DPYS: variants seen among roughly 807,000 people sequenced by gnomAD.
DPYS encodes dihydropyrimidinase, also known as dihydropyrimidine amidohydrolase.
DPYS carries 39 observed loss-of-function variants against 50.3 expected under a neutral mutation model. That is an observed-to-expected ratio of 0.78 (90% CI 0.60 to 1.01). The LOEUF (loss-of-function observed/expected upper bound fraction) is 1.01. DPYS is among the 50% of genes least tolerant of loss of function. DPYS has a pLI of 0.00. For missense variants in DPYS, 659 were observed against 680.9 expected, an observed-to-expected ratio of 0.97 and a Z score of 0.36; for synonymous variants, 245 against 250.7, an observed-to-expected ratio of 0.98 and a Z score of 0.22.
chr8:104,434,623 C>T (rs973230062), intron 4 of DPYS, among the ~76,000 whole-genome samples: 5 of 152,104 alleles, frequency 3.3e-5, no homozygotes, highest in Admixed American at 3.3e-4. Flanking sequence ...AAATAAACAA[C>T]AATCAAATAT....
intron 1 of DPYS, among the ~76,000 whole-genome samples, chr8:104,459,165 G>A (rs984675594): frequency 1.3e-5 from 2 of 152,126 alleles, no homozygotes; most frequent in Non-Finnish European, 2.9e-5. Context: ...TGTAGATGGT[G>A]GCCAGTTGCC....
chr8:104,436,614 A>C (rs1013289867), intron 4 of DPYS, among the ~76,000 whole-genome samples: 1 of 152,106 alleles, frequency 6.6e-6, no homozygotes, highest in South Asian at 2.1e-4. Context: ...AAAACAAAAC[A>C]AAACCCTGAA....
chr8:104,410,501 T>C (rs1343354720), intron 7 of DPYS, among the ~76,000 whole-genome samples: 1 of 152,136 alleles, frequency 6.6e-6, no homozygotes, highest in Non-Finnish European at 1.5e-5. Context: ...TCCAAGGACA[T>C]GGGAGTTTCA....
intron 1 of DPYS, among the ~76,000 whole-genome samples, chr8:104,460,780 C>G (rs975238910): frequency 6.6e-6 from 1 of 152,268 alleles, no homozygotes; most frequent in South Asian, 2.1e-4. Flanking sequence ...TTTGTGCTTC[C>G]TCTGATGAGT....
rs149814659 is a variant in DPYS, at chr8:104,438,038, G to A, written c.793+6210C>T. ...TGCCCATTCAAATCACCCAGTAAGC[G>A]TGAAGACAAGGAATCAGAAAATTTA... is the stretch of plus-strand genomic sequence containing the variant. On this transcript the variant is annotated intron_variant, in intron 4 of 9. Transcript: ENST00000351513. Among the ~76,000 whole-genome samples the A allele has an allele frequency of 4.0e-3, 608 of 152,198 alleles. 4 individuals carry two copies. Among genetic ancestry groups the A allele is most frequent in the Admixed American group, 9.0e-3 (138 of 15,280 alleles).
intron 1 of DPYS, among the ~76,000 whole-genome samples, chr8:104,455,090 T>C (rs1041246950): frequency 2.0e-5 from 3 of 152,110 alleles, no homozygotes; most frequent in Non-Finnish European, 2.9e-5. Context: ...TGTATACCTA[T>C]GTAACAAACC....
Position 104,428,070 on chromosome 8 carries a change from C to T in DPYS, c.1002G>A (p.Gln334=), listed in dbSNP as rs148318692. 1.7e-4 allele frequency: 269 copies of T among 1,614,216 alleles called. 1 individual carries two copies. The African/African-American group carries it at 3.0e-3, about 18-fold the overall frequency. The change falls in exon 6 of 10, where the codon CAG becomes CAA. Residue 334 remains glutamine, a synonymous_variant. Coordinates refer to ENST00000351513, the MANE Select transcript of DPYS (RefSeq NM_001385.3). ...GTDNCTFNTC[Q]KALGKDDFTK... is the part of the protein sequence containing the mutation. ...TAAAATCATCCTTCCCAAGAGCTTT[C>T]TGGCAGGTGTTGAAAGTGCAGTTAT...
intron 7 of DPYS, among the ~76,000 whole-genome samples, chr8:104,399,290 C>CAAAAAAAAAAAAAAAA (rs11323938): frequency 4.0e-4 from 30 of 74,890 alleles, no homozygotes; most frequent in African/African-American, 5.0e-4. Context: ...GACTCCATCT[C>CAAAAAAAAAAAAAAAA]AAAAAAAAAA....
chr8:104,457,730 C>T (rs1588462346), intron 1 of DPYS, among the ~76,000 whole-genome samples: 2 of 152,330 alleles, frequency 1.3e-5, no homozygotes, highest in South Asian at 4.1e-4. Flanking sequence ...ATGGTCCCAA[C>T]GTCTGTCCCA....
chr8:104,396,599 C>T (rs1188527628), intron 7 of DPYS, among the ~76,000 whole-genome samples: 1 of 152,020 alleles, frequency 6.6e-6, no homozygotes, highest in Non-Finnish European at 1.5e-5. Flanking sequence ...AATGGAAAAA[C>T]TGGTGATAGA....
At chr8:104,441,138 T>C (rs1813340425) in intron 4 of DPYS, among the ~76,000 whole-genome samples, 2 of 152,166 alleles carry the variant, frequency 1.3e-5, no homozygotes, top group South Asian at 4.1e-4. Context: ...CTGAAGCAAT[T>C]TTGCCTCTTT....
intron 7 of DPYS, among the ~76,000 whole-genome samples, chr8:104,414,614 C>G (rs1052552518): frequency 6.6e-6 from 1 of 152,146 alleles, no homozygotes; most frequent in African/African-American, 2.4e-5. Flanking sequence ...CTGTAGTCTT[C>G]TAGAGGGAGG....
At chr8:104,402,336 C>T (rs1353338810) in intron 7 of DPYS, among the ~76,000 whole-genome samples, 1 of 152,120 alleles carries the variant, frequency 6.6e-6, no homozygotes, top group East Asian at 1.9e-4. Context: ...AAGTGGGAAA[C>T]TAAAAATAAT....
chr8:104,423,456 C>T lies in DPYS; in HGVS notation c.1235+791G>A, dbSNP rs569429425. ...AGCTGGGCCTTTGTGACAATATTAG[C>T]CCAAGAAACCGTAGACTTTTTCTTA... On this transcript the variant is annotated intron_variant, in intron 7 of 9. Coordinates refer to ENST00000351513, the MANE Select transcript of DPYS (RefSeq NM_001385.3). Among the ~76,000 whole-genome samples the T allele has an allele frequency of 2.0e-5, 3 of 152,284 alleles. No individual in the cohort carries two copies. The South Asian group carries it at 6.2e-4, about 32-fold the overall frequency.
intron 8 of DPYS, among the ~76,000 whole-genome samples, chr8:104,382,538 GTTT>G (rs11388669): frequency 1.6e-5 from 2 of 128,282 alleles, no homozygotes; most frequent in Non-Finnish European, 1.6e-5. Flanking sequence ...CTTGGTCCCT[GTTT>G]TTTTTTTTTT....
At chr8:104,425,053 C>T (rs1235228983) in intron 6 of DPYS, among the ~76,000 whole-genome samples, 2 of 152,210 alleles carry the variant, frequency 1.3e-5, no homozygotes, top group East Asian at 3.9e-4. Context: ...TGGTCTCCAA[C>T]TCCTGACCTC....
chr8:104,412,519 C>A (rs1812218478), intron 7 of DPYS, among the ~76,000 whole-genome samples: 1 of 152,118 alleles, frequency 6.6e-6, no homozygotes, highest in African/African-American at 2.4e-5. Context: ...ACTCAAGTCA[C>A]CAAATAGGTG....
intron 4 of DPYS, among the ~76,000 whole-genome samples, chr8:104,430,659 T>C (rs988134337): frequency 6.6e-4 from 100 of 152,338 alleles, no homozygotes; most frequent in African/African-American, 2.3e-3. Flanking sequence ...CTGAGTCATA[T>C]CAAATTGGAA....
intron 7 of DPYS, chr8:104,421,639 A>T (rs943296815): frequency 6.6e-6 from 1 of 152,294 alleles, no homozygotes; most frequent in Non-Finnish European, 1.5e-5. Flanking sequence ...GTCTCAAACA[A>T]ACAAACAAAC....
Sources: gnomAD v4.1 joint callset for allele counts (sites outside exome capture counted in the v4.1 genomes callset) on GRCh38, gnomAD v4.1.1 for gene constraint, MANE v1.5 for transcripts, NCBI Gene and HGNC (gene_info 2026-07-23, HGNC 2026-07-21) for gene names.